C1orf87: variants seen among roughly 807,000 people sequenced by gnomAD.
The protein encoded by C1orf87 is chromosome 1 open reading frame 87.
C1orf87 carries 58 observed loss-of-function variants against 60.5 expected under a neutral mutation model. That is an observed-to-expected ratio of 0.96 (90% CI 0.78 to 1.19). The LOEUF (loss-of-function observed/expected upper bound fraction) is 1.19. Among genes scored for constraint, C1orf87 ranks in the 50% most tolerant of loss-of-function variants. The pLI, the probability that C1orf87 is intolerant of heterozygous loss-of-function variation, is 0.00. For missense variants in C1orf87, 673 were observed against 638.6 expected (o/e 1.05, Z -0.58); for synonymous variants, 236 against 227.4 (o/e 1.04, Z -0.34).
chr1:60,050,649 C>T (rs1454056189), intron 3 of C1orf87, among the ~76,000 whole-genome samples: 1 of 151,822 alleles, frequency 6.6e-6, no homozygotes, highest in African/African-American at 2.4e-5. Flanking sequence ...TATGTAATTG[C>T]ATTGGCAAAT....
intron 7 of C1orf87, among the ~76,000 whole-genome samples, chr1:60,030,779 C>A (rs1645232395): frequency 6.6e-6 from 1 of 152,206 alleles, no homozygotes; most frequent in Non-Finnish European, 1.5e-5. Flanking sequence ...ATTGCCTTGG[C>A]AGTCCTGACA....
intron 6 of C1orf87, among the ~76,000 whole-genome samples, chr1:60,037,092 G>A (rs781683992): frequency 6.6e-6 from 1 of 152,228 alleles, no homozygotes; most frequent in Non-Finnish European, 1.5e-5. Flanking sequence ...AAAAAAGAGA[G>A]AGAGAGAAAA....
chr1:60,009,813 G>A (rs1338553307), intron 9 of C1orf87, among the ~76,000 whole-genome samples: 2 of 151,884 alleles, frequency 1.3e-5, no homozygotes, highest in South Asian at 2.1e-4. Context: ...CCAATGCATC[G>A]TTACAATTTT....
At chr1:60,070,747 C>T (rs1645579313) in intron 2 of C1orf87, among the ~76,000 whole-genome samples, 1 of 152,106 alleles carries the variant, frequency 6.6e-6, no homozygotes. Flanking sequence ...ATTAATTTAG[C>T]TGATTTAATG....
intron 9 of C1orf87, chr1:60,008,594 C>A (rs1645061772): frequency 5.0e-6 from 2 of 398,632 alleles, no homozygotes; most frequent in African/African-American, 2.1e-5. Flanking sequence ...TATAGAGACA[C>A]CAGGGATGCA....
chr1:60,034,624 T>C (rs886211617), intron 6 of C1orf87, among the ~76,000 whole-genome samples: 7 of 152,236 alleles, frequency 4.6e-5, no homozygotes, highest in Non-Finnish European at 8.8e-5. Flanking sequence ...AGGCTACCAC[T>C]GTGACATTGC....
At chr1:60,023,963 A>G (rs563063345) in intron 8 of C1orf87, among the ~76,000 whole-genome samples, 2 of 152,246 alleles carry the variant, frequency 1.3e-5, no homozygotes, top group Admixed American at 1.3e-4. Flanking sequence ...TTTTATCTCT[A>G]GAAGTTCTAT....
At chr1:59,991,281 T>G (rs529277060) in intron 11 of C1orf87, among the ~76,000 whole-genome samples, 38 of 152,282 alleles carry the variant, frequency 2.5e-4, no homozygotes, top group African/African-American at 8.2e-4. Context: ...CTAAATGTAT[T>G]TATAGATGTT....
At chr1:60,052,673 CTT>C (rs2100314796) in intron 3 of C1orf87, among the ~76,000 whole-genome samples, 1 of 152,322 alleles carries the variant, frequency 6.6e-6, no homozygotes, top group African/African-American at 2.4e-5. Context: ...AGCAACTTCT[CTT>C]TTGGAGCAAA....
chr1:60,050,222 G>T (rs372754251), intron 3 of C1orf87, among the ~76,000 whole-genome samples: 1 of 151,918 alleles, frequency 6.6e-6, no homozygotes, highest in African/African-American at 2.4e-5. Flanking sequence ...GAGGATTGAC[G>T]TTTTGATGAT....
chr1:60,010,285 A>C, intron 9 of C1orf87, 107 bp downstream of exon 9: 1 of 998,814 alleles, frequency 1.0e-6, no homozygotes. Context: ...TTTCTGAGAG[A>C]AATGAGATGA....
chr1:60,034,457 GGACAGTCCAT>G (rs1432860326), intron 6 of C1orf87, among the ~76,000 whole-genome samples: 17 of 152,144 alleles, frequency 1.1e-4, no homozygotes, highest in African/African-American at 3.9e-4. Context: ...TTCCCTAGAG[GGACAGTCCAT>G]GACATTGCTC....
intron 6 of C1orf87, among the ~76,000 whole-genome samples, chr1:60,035,310 G>T (rs936286485): frequency 4.6e-5 from 7 of 152,124 alleles, no homozygotes; most frequent in Non-Finnish European, 7.3e-5. Context: ...TTGGTCCCTG[G>T]CTCCGTACAC....
chr1:60,022,108 GA>G (rs1645167597), intron 8 of C1orf87, among the ~76,000 whole-genome samples: 4 of 81,432 alleles, frequency 4.9e-5, no homozygotes, highest in Admixed American at 2.9e-4. Context: ...AGAGGACTTT[GA>G]TTTTTTTTTT....
intron 3 of C1orf87, among the ~76,000 whole-genome samples, 163 bp from the exon 4 acceptor site, chr1:60,041,294 G>A (rs2100298855): frequency 6.6e-6 from 1 of 152,332 alleles, no homozygotes; most frequent in South Asian, 2.1e-4. Context: ...GAATCGTCGT[G>A]AAGAAATGTT....
intron 2 of C1orf87, among the ~76,000 whole-genome samples, chr1:60,064,088 A>C (rs1184333753): frequency 6.6e-6 from 1 of 151,650 alleles, no homozygotes; most frequent in Non-Finnish European, 1.5e-5. Context: ...CCCAGCCTAC[A>C]TCTTTCTCCT....
intron 3 of C1orf87, among the ~76,000 whole-genome samples, chr1:60,048,494 C>A (rs940213512): frequency 1.3e-5 from 2 of 152,134 alleles, no homozygotes; most frequent in African/African-American, 4.8e-5. Context: ...AGTTTTAGGG[C>A]AATTTGTTGT....
rs57844722 is a variant in C1orf87 at position 60,061,776 on chromosome 1, C to CAAAAAAAAA, written c.108-6347_108-6339dup. On this transcript the variant is annotated intron_variant, in intron 2 of 11. Coordinates refer to ENST00000371201, the MANE Select transcript of C1orf87 (RefSeq NM_152377.3). ...CAACATGGCCAAACCCCATCTCTACCAAAAAAAAAAAAAAAAAAAAAAAAA... is the reference window on the plus strand; with the variant it reads ...CAACATGGCCAAACCCCATCTCTACCAAAAAAAAAAAAAAAAAAAAAAAAAAAAAAAAAA... Among the ~76,000 whole-genome samples the CAAAAAAAAA allele has an allele frequency of 1.7e-4, 9 of 53,174 alleles. 2 individuals carry two copies. The highest frequency in any genetic ancestry group is 8.9e-4 in the South Asian group (1 of 1,124). The allele number at this position is 53,174 out of a possible 152,430, so 34.9% of individuals were successfully genotyped here. A position where few individuals can be genotyped will look rare whatever the true frequency, so the allele number is the denominator to read the frequency against.
chr1:60,001,066 C>T lies in C1orf87; in HGVS notation c.1272+11G>A. ...ACCTTCCCCCAAACTCTATATACCC[C>T]AGGTGCATACCATATGTTCAGTTTT... On this transcript the variant is annotated intron_variant, in intron 10 of 11. Coordinates refer to ENST00000371201, the MANE Select transcript of C1orf87 (RefSeq NM_152377.3). 6.2e-7 allele frequency: 1 copy of T among 1,603,506 alleles called. No individual in the cohort carries two copies. Among genetic ancestry groups the T allele is most frequent in the Non-Finnish European group, 8.5e-7 (1 of 1,171,988 alleles).
Sources: gnomAD v4.1 joint callset for allele counts (sites outside exome capture counted in the v4.1 genomes callset) on GRCh38, gnomAD v4.1.1 for gene constraint, MANE v1.5 for transcripts, NCBI Gene and HGNC (gene_info 2026-07-23, HGNC 2026-07-21) for gene names.